AGPAT5: variants seen among roughly 807,000 people sequenced by gnomAD.
AGPAT5 encodes the protein 1-acylglycerol-3-phosphate O-acyltransferase 5, also known as 1-acyl-sn-glycerol-3-phosphate acyltransferase epsilon.
A neutral mutation model predicts 45.6 loss-of-function variants in AGPAT5; 46 were observed. The observed-to-expected ratio is 1.01, with a 90% CI of 0.80 to 1.29. The LOEUF (loss-of-function observed/expected upper bound fraction) is 1.29. Among genes scored for constraint, AGPAT5 ranks in the 50% most tolerant of loss-of-function variants. The probability of loss-of-function intolerance (pLI) is 0.00; values close to 1 mark genes in which losing one functional copy is unlikely to be tolerated. For synonymous variants in AGPAT5, 272 were observed against 167.0 expected (o/e 1.63, Z -4.85); for missense variants, 673 against 450.7 (o/e 1.49, Z -4.47).
intron 1 of AGPAT5, among the ~76,000 whole-genome samples, chr8:6,711,832 A>G (rs900703605): frequency 6.6e-6 from 1 of 152,008 alleles, no homozygotes; most frequent in Non-Finnish European, 1.5e-5. Context: ...CCTTGCTGCC[A>G]CCTCTTCTGT....
intron 1 of AGPAT5, among the ~76,000 whole-genome samples, chr8:6,715,509 G>A (rs1199010601): frequency 1.3e-5 from 2 of 152,194 alleles, no homozygotes; most frequent in Non-Finnish European, 1.5e-5. Flanking sequence ...GTTCTATTAT[G>A]TAAATAATTC....
chr8:6,726,593 A>C (rs919835170), intron 2 of AGPAT5, among the ~76,000 whole-genome samples: 9 of 152,212 alleles, frequency 5.9e-5, no homozygotes, highest in Admixed American at 5.9e-4. Flanking sequence ...TTTTATATGT[A>C]TTCCTTCAGA....
At chr8:6,746,179 G>A (rs947121006) in intron 5 of AGPAT5, 1 of 152,062 alleles carries the variant, frequency 6.6e-6, no homozygotes, top group Non-Finnish European at 1.5e-5. Flanking sequence ...GTGCCACCGC[G>A]CCCGGCTCCG....
chr8:6,714,437 A>C (rs1266588332), intron 1 of AGPAT5, among the ~76,000 whole-genome samples: 1 of 152,202 alleles, frequency 6.6e-6, no homozygotes, highest in Non-Finnish European at 1.5e-5. Context: ...GGAAAATACT[A>C]AAAAAATGTA....
chr8:6,746,814 G>A (rs150886507), intron 5 of AGPAT5, among the ~76,000 whole-genome samples: 206 of 152,264 alleles, frequency 1.4e-3, no homozygotes, highest in Non-Finnish European at 2.0e-3. Context: ...CTATTTTCAT[G>A]TCACTTATTG....
At position 6,760,225 on chromosome 8, in the gene AGPAT5, A is replaced by C. The variant is rs750030465; in HGVS notation, c.*2837A>C. On this transcript the variant is annotated 3_prime_UTR_variant, in exon 8 of 8. Coordinates refer to ENST00000285518, the MANE Select transcript of AGPAT5 (RefSeq NM_018361.5). ...TGGGCAACATATCGAGAACCTGTCT[A>C]CAAAAAAATTAAAAAAAATTAGCCA... Among the ~76,000 whole-genome samples, 3 of 152,098 alleles carry C rather than the reference A, an allele frequency of 2.0e-5. No individual in the cohort carries two copies. The highest frequency in any genetic ancestry group is 6.6e-5 in the Admixed American group (1 of 15,266).
intron 4 of AGPAT5, among the ~76,000 whole-genome samples, chr8:6,735,201 C>A (rs1382001280): frequency 6.6e-6 from 1 of 152,104 alleles, no homozygotes; most frequent in Non-Finnish European, 1.5e-5. Flanking sequence ...TTCATCCGTG[C>A]CCCATGGGTA....
At chr8:6,753,557 A>G (rs574707125) in intron 6 of AGPAT5, among the ~76,000 whole-genome samples, 5 of 152,082 alleles carry the variant, frequency 3.3e-5, no homozygotes, top group African/African-American at 9.7e-5. Flanking sequence ...GAAATCTTCT[A>G]TTATTATTAT....
At chr8:6,740,512 A>G (rs903175031) in intron 4 of AGPAT5, among the ~76,000 whole-genome samples, 3 of 148,388 alleles carry the variant, frequency 2.0e-5, no homozygotes, top group Admixed American at 6.7e-5. Context: ...ATTAAAAATA[A>G]TATAAATTAT....
At chr8:6,721,295 T>C (rs945817225) in intron 1 of AGPAT5, among the ~76,000 whole-genome samples, 2 of 152,258 alleles carry the variant, frequency 1.3e-5, no homozygotes, top group African/African-American at 4.8e-5. Flanking sequence ...GTAAATTGTA[T>C]ATGTAATCAT....
intron 1 of AGPAT5, among the ~76,000 whole-genome samples, chr8:6,724,564 A>G (rs1800618234): frequency 6.6e-6 from 1 of 152,232 alleles, no homozygotes; most frequent in Admixed American, 6.5e-5. Flanking sequence ...GGCTCTTTGA[A>G]GGAAGATATA....
In AGPAT5 at chr8:6,760,628, C is replaced by G. The variant is rs915278408; in HGVS notation, c.*3240C>G. On this transcript the variant is annotated 3_prime_UTR_variant, in exon 8 of 8. Transcript: ENST00000285518. ...TATTTTCTTGGCAGATATTCCGTAT[C>G]TGGTGGAAAGCTACAATGCAATGTC... Among the ~76,000 whole-genome samples, 1 of 152,152 alleles carries G rather than the reference C, an allele frequency of 6.6e-6. No individual in the cohort carries two copies. The highest frequency in any genetic ancestry group is 2.4e-5 in the African/African-American group (1 of 41,444).
rs34185401 is a variant in AGPAT5 at position 6,761,335 on chromosome 8, C to CT, written c.*3954dup. ...TCTGCAATTTTATAAATGTTCATGT[C>CT]TTTTTTTAAAAAAGGTGCTATTGAA... On this transcript the variant is annotated 3_prime_UTR_variant, in exon 8 of 8. Coordinates refer to ENST00000285518, the MANE Select transcript of AGPAT5 (RefSeq NM_018361.5). 0.021 allele frequency among the ~76,000 whole-genome samples: 3,150 copies of CT among 151,312 alleles called. 105 individuals are homozygous for CT. The highest frequency in any genetic ancestry group is 0.072 in the African/African-American group (2,940 of 40,850).
chr8:6,709,879 G>A (rs1330836647), intron 1 of AGPAT5, among the ~76,000 whole-genome samples: 1 of 152,100 alleles, frequency 6.6e-6, no homozygotes, highest in Non-Finnish European at 1.5e-5. Flanking sequence ...TTAAACCAGT[G>A]TCTGTAAGTG....
chr8:6,709,669 A>G (rs1173913677), intron 1 of AGPAT5: 1 of 151,568 alleles, frequency 6.6e-6, no homozygotes. Context: ...TTTTCTTGGT[A>G]GGGTTAGGGT....
chr8:6,738,931 C>T (rs1297074082), intron 4 of AGPAT5, among the ~76,000 whole-genome samples: 1 of 151,708 alleles, frequency 6.6e-6, no homozygotes, highest in Non-Finnish European at 1.5e-5. Flanking sequence ...TTGTTTTCTT[C>T]TGGAAATTTT....
intron 3 of AGPAT5, among the ~76,000 whole-genome samples, 181 bp downstream of exon 3, chr8:6,731,007 C>T (rs564221250): frequency 7.3e-5 from 11 of 151,592 alleles, no homozygotes; most frequent in South Asian, 6.3e-4. Context: ...TAGTTGGGAC[C>T]GTAGGTGCCC....
intron 1 of AGPAT5, among the ~76,000 whole-genome samples, chr8:6,713,574 G>A (rs1800224876): frequency 6.6e-6 from 1 of 152,060 alleles, no homozygotes; most frequent in Non-Finnish European, 1.5e-5. Context: ...TTTTTTGTAA[G>A]ACAGAATCTC....
At chr8:6,751,285 A>T in intron 6 of AGPAT5, among the ~76,000 whole-genome samples, 1 of 152,248 alleles carries the variant, frequency 6.6e-6, no homozygotes, top group East Asian at 1.9e-4. Flanking sequence ...ATATTTTATG[A>T]TGCAATTAAG....
Sources: allele counts gnomAD v4.1 joint callset (sites outside exome capture counted in the v4.1 genomes callset), GRCh38; gene constraint gnomAD v4.1.1; transcripts MANE v1.5; gene names NCBI Gene and HGNC (gene_info 2026-07-23, HGNC 2026-07-21).